The following ST6GALNAC3 variants were observed in gnomAD, a reference collection of about 807,000 sequenced individuals.
The protein encoded by ST6GALNAC3 is alpha-N-acetylgalactosaminide alpha-2,6-sialyltransferase 3.
ST6GALNAC3 carries 25 observed loss-of-function variants against 32.7 expected under a neutral mutation model. The ratio of observed to expected loss-of-function variants is 0.76; its 90% CI spans 0.56 to 1.07. The LOEUF is 1.07. ST6GALNAC3 is among the 50% of genes least tolerant of loss of function. The pLI is 0.00. For missense variants in ST6GALNAC3, 355 were observed against 382.4 expected, an observed-to-expected ratio of 0.93 and a Z score of 0.60; for synonymous variants, 129 against 133.1, an observed-to-expected ratio of 0.97 and a Z score of 0.21.
At chr1:76,582,571 A>G (rs1646907206) in intron 3 of ST6GALNAC3, among the ~76,000 whole-genome samples, 1 of 152,218 alleles carries the variant, frequency 6.6e-6, no homozygotes, top group Admixed American at 6.5e-5. Context: ...ACACCACTCA[A>G]TGCATAAATC....
intron 1 of ST6GALNAC3, among the ~76,000 whole-genome samples, chr1:76,206,217 G>T (rs1322614100): frequency 6.6e-6 from 1 of 152,164 alleles, no homozygotes; most frequent in Non-Finnish European, 1.5e-5. Context: ...AGAAAATAAT[G>T]CTACCTTTCA....
At chr1:76,221,330 G>T (rs947564007) in intron 1 of ST6GALNAC3, among the ~76,000 whole-genome samples, 17 of 152,124 alleles carry the variant, frequency 1.1e-4, no homozygotes, top group Non-Finnish European at 1.8e-4. Context: ...GCTTGGGAAG[G>T]GTCCACAGGG....
At chr1:76,294,470 C>A (rs1014231591) in intron 1 of ST6GALNAC3, among the ~76,000 whole-genome samples, 2 of 151,922 alleles carry the variant, frequency 1.3e-5, no homozygotes, top group African/African-American at 2.4e-5. Context: ...TATTGCACTT[C>A]TAATCAAAAA....
At chr1:76,391,825 C>T (rs1652587822) in intron 2 of ST6GALNAC3, among the ~76,000 whole-genome samples, 1 of 152,154 alleles carries the variant, frequency 6.6e-6, no homozygotes. Flanking sequence ...GAAATTAGAG[C>T]TTGACCTACA....
At chr1:76,241,051 C>T (rs1557720061) in intron 1 of ST6GALNAC3, among the ~76,000 whole-genome samples, 1 of 152,046 alleles carries the variant, frequency 6.6e-6, no homozygotes, top group Admixed American at 6.6e-5. Flanking sequence ...ATTTAACTTC[C>T]TGGTTACCAG....
chr1:76,265,666 G>A (rs1045707435), intron 1 of ST6GALNAC3, among the ~76,000 whole-genome samples: 4 of 152,090 alleles, frequency 2.6e-5, no homozygotes, highest in African/African-American at 4.8e-5. Flanking sequence ...TATTGACTGC[G>A]TAACCTTGTT....
At chr1:76,245,437 T>G (rs1001368848) in intron 1 of ST6GALNAC3, among the ~76,000 whole-genome samples, 1 of 152,162 alleles carries the variant, frequency 6.6e-6, no homozygotes, top group Non-Finnish European at 1.5e-5. Context: ...CCTTCAGTTC[T>G]GCTCTGATCT....
chr1:76,233,450 C>T (rs1399382878), intron 1 of ST6GALNAC3, among the ~76,000 whole-genome samples: 1 of 152,162 alleles, frequency 6.6e-6, no homozygotes, highest in Non-Finnish European at 1.5e-5. Context: ...ATCCACCAAC[C>T]ACAAGGCCAA....
intron 1 of ST6GALNAC3, among the ~76,000 whole-genome samples, chr1:76,101,947 A>G (rs1435895463): frequency 1.3e-5 from 2 of 152,078 alleles, no homozygotes; most frequent in Non-Finnish European, 2.9e-5. Flanking sequence ...AAAATAAAGT[A>G]TATCCTCTAT....
chr1:76,460,707 C>T (rs182072460), intron 3 of ST6GALNAC3, among the ~76,000 whole-genome samples: 198 of 152,226 alleles, frequency 1.3e-3, no homozygotes, highest in Non-Finnish European at 2.1e-3. Context: ...AGCAGTAACA[C>T]GATTATAACC....
At chr1:76,283,687 A>C (rs1340792130) in intron 1 of ST6GALNAC3, among the ~76,000 whole-genome samples, 1 of 152,208 alleles carries the variant, frequency 6.6e-6, no homozygotes, top group Non-Finnish European at 1.5e-5. Flanking sequence ...TTTCTATGCA[A>C]CAATGCTCTG....
chr1:76,360,459 C>T (rs1649839360), intron 2 of ST6GALNAC3, among the ~76,000 whole-genome samples: 1 of 152,114 alleles, frequency 6.6e-6, no homozygotes, highest in African/African-American at 2.4e-5. Context: ...GTATACCTAA[C>T]CAGTTAATAA....
At chr1:76,140,635 T>C (rs2100276302) in intron 1 of ST6GALNAC3, among the ~76,000 whole-genome samples, 1 of 150,328 alleles carries the variant, frequency 6.7e-6, no homozygotes, top group South Asian at 2.1e-4. Flanking sequence ...CTTTCTTTTT[T>C]TTTTTTTTTG....
intron 2 of ST6GALNAC3, among the ~76,000 whole-genome samples, chr1:76,377,460 C>CAGAG (rs112217624): frequency 0.96 from 145,186 of 150,536 alleles, 69,993 homozygotes; most frequent in East Asian, 1. Flanking sequence ...CTTCACAGGG[C>CAGAG]AGAGAGAGAG....
Position 76,546,774 on chromosome 1 carries a change from G to T in ST6GALNAC3, c.624-80678G>T, listed in dbSNP as rs926878865. 9.2e-5 allele frequency among the ~76,000 whole-genome samples: 14 copies of T among 152,202 alleles called. No homozygotes were observed. The East Asian group carries it at 2.7e-3, about 29-fold the overall frequency. On this transcript the variant is annotated intron_variant, in intron 3 of 4. Coordinates refer to ENST00000328299, the MANE Select transcript of ST6GALNAC3 (RefSeq NM_152996.4). Reference sequence around the variant, plus strand: ...GGATGAAAGAGAAGTCCAGGTTGAGGCTGCCTGTGCAGAAGGGCACGGAAT... The same window carrying T: ...GGATGAAAGAGAAGTCCAGGTTGAGTCTGCCTGTGCAGAAGGGCACGGAAT...
chr1:76,136,283 T>C (rs1336407623), intron 1 of ST6GALNAC3, among the ~76,000 whole-genome samples: 2 of 152,236 alleles, frequency 1.3e-5, no homozygotes. Context: ...GCAAATGTTC[T>C]ACAAAATAGC....
chr1:76,504,364 T>C (rs1169884832), intron 3 of ST6GALNAC3, among the ~76,000 whole-genome samples: 1 of 152,168 alleles, frequency 6.6e-6, no homozygotes, highest in Non-Finnish European at 1.5e-5. Context: ...TATCATCTAA[T>C]AATGATCCTT....
At chr1:76,260,995 CA>C (rs1557735042) in intron 1 of ST6GALNAC3, among the ~76,000 whole-genome samples, 2 of 151,900 alleles carry the variant, frequency 1.3e-5, no homozygotes, top group African/African-American at 4.8e-5. Flanking sequence ...CACACACACA[CA>C]CACACACACA....
At chr1:76,357,130 CTTTT>C (rs55786044) in intron 2 of ST6GALNAC3, among the ~76,000 whole-genome samples, 1 of 111,176 alleles carries the variant, frequency 9.0e-6, no homozygotes, top group Non-Finnish European at 1.7e-5. Context: ...TTTTCTTTTT[CTTTT>C]TTTTTTTTTT....
Sources: allele counts gnomAD v4.1 joint callset (sites outside exome capture counted in the v4.1 genomes callset), GRCh38; gene constraint gnomAD v4.1.1; transcripts MANE v1.5; gene names NCBI Gene and HGNC (gene_info 2026-07-23, HGNC 2026-07-21).